Variants in MAML3 observed in about 807,000 individuals in gnomAD.
The protein encoded by MAML3 is mastermind-like protein 3.
MAML3 carries 27 observed loss-of-function variants against 101.9 expected under a neutral mutation model. The observed-to-expected ratio is 0.27, with a 90% CI of 0.20 to 0.37. MAML3 has a LOEUF of 0.37. Among genes scored for constraint, MAML3 ranks in the 10% least tolerant of loss-of-function variants. MAML3 has a pLI of 1.00. For synonymous variants in MAML3, 501 were observed against 555.9 expected, an observed-to-expected ratio of 0.90 and a Z score of 1.39; for missense variants, 1,316 against 1,444.9, an observed-to-expected ratio of 0.91 and a Z score of 1.45.
At chr4:139,814,418 T>C (rs1730859484) in intron 2 of MAML3, among the ~76,000 whole-genome samples, 2 of 152,124 alleles carry the variant, frequency 1.3e-5, no homozygotes, top group Admixed American at 1.3e-4. Context: ...AGCCAACTAG[T>C]TATCCCTGAA....
chr4:139,735,474 G>A lies in MAML3; in HGVS notation c.2080-4807C>T, dbSNP rs1348805175. On this transcript the variant is annotated intron_variant, in intron 2 of 4. Coordinates refer to ENST00000509479, the MANE Select transcript of MAML3 (RefSeq NM_018717.5). The surrounding 1 kb of genome is among the most constrained non-coding windows in gnomAD (Gnocchi z 5.8). Reference sequence around the variant, plus strand: ...AGGGGGGCAGTGGCGACCTCCGGGGGGGGAGGGTGGCGGACACCAGACCCC... The same window carrying A: ...AGGGGGGCAGTGGCGACCTCCGGGGAGGGAGGGTGGCGGACACCAGACCCC... Among the ~76,000 whole-genome samples the A allele has an allele frequency of 6.6e-6, 1 of 151,824 alleles. No individual in the cohort carries two copies. The highest frequency in any genetic ancestry group is 2.0e-4 in the East Asian group (1 of 5,082).
At position 139,832,288 on chromosome 4, in the gene MAML3, A is replaced by AT. The variant is rs201689749; in HGVS notation, c.2079+57068dup. 7.4e-3 allele frequency among the ~76,000 whole-genome samples: 1,083 copies of AT among 146,784 alleles called. 20 individuals are homozygous for AT. The highest frequency in any genetic ancestry group is 0.024 in the African/African-American group (957 of 39,812). On this transcript the variant is annotated intron_variant, in intron 2 of 4. Coordinates refer to ENST00000509479, the MANE Select transcript of MAML3 (RefSeq NM_018717.5). The stretch of plus-strand genomic sequence containing the variant: ...CCCAGCTATTTTTTTTTTTATTTTT[A>AT]TTTTTAGTAGACAGGGTTTTGCGAT...
At chr4:139,910,807 G>C (rs941626562) in intron 1 of MAML3, among the ~76,000 whole-genome samples, 2 of 152,124 alleles carry the variant, frequency 1.3e-5, no homozygotes, top group African/African-American at 4.8e-5. Flanking sequence ...CACTAAGGAA[G>C]GAAGGACAAG....
At chr4:140,107,590 C>T (rs758043313) in intron 1 of MAML3, among the ~76,000 whole-genome samples, 6 of 151,478 alleles carry the variant, frequency 4.0e-5, no homozygotes, top group Non-Finnish European at 7.4e-5. Flanking sequence ...CTGCAACCTC[C>T]GCCTCTCGAG....
chr4:139,830,560 G>A (rs1338380771), intron 2 of MAML3, among the ~76,000 whole-genome samples: 2 of 151,630 alleles, frequency 1.3e-5, no homozygotes, highest in Non-Finnish European at 2.9e-5. Flanking sequence ...GACTACAGGT[G>A]CCCGCCACCA....
intron 1 of MAML3, among the ~76,000 whole-genome samples, chr4:140,122,027 C>T (rs533723774): frequency 1.2e-3 from 186 of 152,272 alleles, no homozygotes; most frequent in African/African-American, 4.3e-3. Flanking sequence ...GTTTGCTTCT[C>T]CTTCCGCCAT....
chr4:140,125,445 G>C (rs1728668436), intron 1 of MAML3, among the ~76,000 whole-genome samples: 1 of 151,976 alleles, frequency 6.6e-6, no homozygotes, highest in Admixed American at 6.6e-5. Context: ...CTTTAAAAAA[G>C]TAATTTCAAA....
intron 2 of MAML3, among the ~76,000 whole-genome samples, chr4:139,792,775 T>C (rs1368115616): frequency 7.3e-5 from 11 of 151,364 alleles, no homozygotes; most frequent in South Asian, 2.1e-4. Flanking sequence ...GACGGAGTCT[T>C]GCTCTGTCAC....
intron 3 of MAML3, among the ~76,000 whole-genome samples, chr4:139,726,619 T>A (rs1442392740): frequency 6.7e-6 from 1 of 150,272 alleles, no homozygotes; most frequent in African/African-American, 2.4e-5. Flanking sequence ...TCCTCAGGAG[T>A]TATACAAAAA....
At chr4:139,948,976 A>G (rs112858166) in intron 1 of MAML3, among the ~76,000 whole-genome samples, 43 of 152,150 alleles carry the variant, frequency 2.8e-4, no homozygotes, top group African/African-American at 1.0e-3. Context: ...CGCCTTATTG[A>G]CATGCTTCTA....
intron 1 of MAML3, among the ~76,000 whole-genome samples, chr4:140,078,050 A>AATAC (rs1187404517): frequency 6.6e-6 from 1 of 151,708 alleles, no homozygotes; most frequent in Non-Finnish European, 1.5e-5. Context: ...TAAATAAATA[A>AATAC]ATAAAGACAG....
At chr4:139,770,243 T>C (rs1729948731) in intron 2 of MAML3, among the ~76,000 whole-genome samples, 1 of 152,218 alleles carries the variant, frequency 6.6e-6, no homozygotes, top group Non-Finnish European at 1.5e-5. Flanking sequence ...AGGCTCCTTG[T>C]CTGTGAGGAG....
chr4:139,785,652 A>G lies in MAML3; in HGVS notation c.2080-54985T>C, dbSNP rs1432124112. 6.6e-6 allele frequency among the ~76,000 whole-genome samples: 1 copy of G among 152,104 alleles called. No individual in the cohort carries two copies. Among genetic ancestry groups the G allele is most frequent in the Non-Finnish European group, 1.5e-5 (1 of 68,032 alleles). ...ACTGCATGGAGAGATCTGTCCCTTC[A>G]TTCACATATCTCTGCACTAATTTTT... On this transcript the variant is annotated intron_variant, in intron 2 of 4. Transcript: ENST00000509479. This position sits in a 1 kb window ranked among gnomAD's most constrained non-coding sequence, Gnocchi z 4.3.
At chr4:139,774,426 A>G (rs940478161) in intron 2 of MAML3, among the ~76,000 whole-genome samples, 3 of 152,250 alleles carry the variant, frequency 2.0e-5, no homozygotes, top group African/African-American at 7.2e-5. Flanking sequence ...ATATCTGCCA[A>G]AAGGATAAAG....
At chr4:139,898,719 A>G (rs542413306) in intron 1 of MAML3, among the ~76,000 whole-genome samples, 69 of 152,356 alleles carry the variant, frequency 4.5e-4, no homozygotes, top group Non-Finnish European at 8.4e-4. Context: ...GATTCACTGG[A>G]ATCAATTATC....
intron 2 of MAML3, among the ~76,000 whole-genome samples, chr4:139,870,062 G>T (rs1198773947): frequency 6.6e-6 from 1 of 152,232 alleles, no homozygotes; most frequent in Non-Finnish European, 1.5e-5. Context: ...AAGATTAAAT[G>T]TTTCATGTCA....
At chr4:140,004,032 C>G (rs1287317837) in intron 1 of MAML3, among the ~76,000 whole-genome samples, 1 of 152,240 alleles carries the variant, frequency 6.6e-6, no homozygotes, top group African/African-American at 2.4e-5. Flanking sequence ...AGGAGAGAGA[C>G]TGCACACAGG....
intron 2 of MAML3, among the ~76,000 whole-genome samples, chr4:139,861,196 A>G (rs1731775212): frequency 6.6e-6 from 1 of 151,682 alleles, no homozygotes; most frequent in African/African-American, 2.4e-5. Context: ...CTGTCTTCAT[A>G]CCTCCTGGAT....
chr4:140,141,397 T>C (rs769085963), intron 1 of MAML3, among the ~76,000 whole-genome samples: 1 of 152,228 alleles, frequency 6.6e-6, no homozygotes, highest in Non-Finnish European at 1.5e-5. Context: ...ACTGGATTAG[T>C]CAGGGTAATT....
Sources: allele counts gnomAD v4.1 joint callset (sites outside exome capture counted in the v4.1 genomes callset), GRCh38; gene constraint gnomAD v4.1.1; non-coding constraint Gnocchi (gnomAD v3.1); transcripts MANE v1.5; gene names NCBI Gene and HGNC (gene_info 2026-07-23, HGNC 2026-07-21).